KCNH5: variants seen among roughly 807,000 people sequenced by gnomAD.
KCNH5 encodes the protein voltage-gated delayed rectifier potassium channel KCNH5.
KCNH5 carries 46 observed loss-of-function variants against 96.1 expected under a neutral mutation model. The ratio of observed to expected loss-of-function variants is 0.48; its 90% confidence interval spans 0.38 to 0.61. KCNH5 has a LOEUF of 0.61. Ranked by LOEUF, KCNH5 falls within the 20% of genes least tolerant of loss-of-function variation. The pLI is 0.00. For missense variants in KCNH5, 907 were observed against 1,225.8 expected (o/e 0.74, Z 3.88); for synonymous variants, 439 against 449.8 (o/e 0.98, Z 0.30).
intron 7 of KCNH5, among the ~76,000 whole-genome samples, chr14:62,881,899 T>A (rs142856941): frequency 2.4e-4 from 37 of 152,212 alleles, no homozygotes; most frequent in African/African-American, 8.9e-4. Flanking sequence ...ATAACTTTGA[T>A]GGTCCACTAT....
intron 10 of KCNH5, among the ~76,000 whole-genome samples, chr14:62,761,995 A>T (rs574312455): frequency 1.1e-3 from 162 of 152,254 alleles, no homozygotes; most frequent in Middle Eastern, 6.8e-3. Context: ...GAGGTGAGTT[A>T]AACAGGTGTG....
At chr14:62,754,246 C>T (rs1242151584) in intron 10 of KCNH5, among the ~76,000 whole-genome samples, 8 of 151,832 alleles carry the variant, frequency 5.3e-5, no homozygotes, top group African/African-American at 1.9e-4. Flanking sequence ...TAAAAACATT[C>T]AGCAGATACA....
At chr14:62,744,835 T>C (rs1177774059) in intron 10 of KCNH5, among the ~76,000 whole-genome samples, 5 of 152,192 alleles carry the variant, frequency 3.3e-5, no homozygotes. Flanking sequence ...GGAATTTTTT[T>C]ACACACCACA....
At chr14:62,863,166 T>C (rs147262301) in intron 7 of KCNH5, among the ~76,000 whole-genome samples, 1 of 152,304 alleles carries the variant, frequency 6.6e-6, no homozygotes, top group East Asian at 1.9e-4. Flanking sequence ...CTTCTATAAA[T>C]CTAATGAGGT....
chr14:63,041,256 T>G (rs1391336443), intron 1 of KCNH5, among the ~76,000 whole-genome samples: 1 of 152,142 alleles, frequency 6.6e-6, no homozygotes, highest in African/African-American at 2.4e-5. Flanking sequence ...CTAAAAACAG[T>G]TACTTTCTTC....
chr14:62,948,784 A>G (rs1459379918), intron 7 of KCNH5, among the ~76,000 whole-genome samples: 65 of 148,016 alleles, frequency 4.4e-4, no homozygotes, highest in African/African-American at 1.4e-3. Context: ...AACCGAATCC[A>G]GCAGCACATC....
chr14:62,951,379 C>G (rs1287198540), intron 6 of KCNH5, among the ~76,000 whole-genome samples: 1 of 152,132 alleles, frequency 6.6e-6, no homozygotes, highest in African/African-American at 2.4e-5. Flanking sequence ...TGTAATAGAC[C>G]ACCTGCAGAG....
At chr14:62,772,117 A>C (rs1343231081) in intron 10 of KCNH5, among the ~76,000 whole-genome samples, 1 of 152,170 alleles carries the variant, frequency 6.6e-6, no homozygotes, top group Non-Finnish European at 1.5e-5. Context: ...CAACAAAAAA[A>C]ACACATTCTC....
chr14:62,793,662 T>G (rs985212389), intron 9 of KCNH5, among the ~76,000 whole-genome samples: 5 of 151,798 alleles, frequency 3.3e-5, no homozygotes, highest in Non-Finnish European at 7.4e-5. Flanking sequence ...TAAAATAAAA[T>G]GCTACCACTT....
At chr14:63,026,557 C>T (rs1398584058) in intron 1 of KCNH5, among the ~76,000 whole-genome samples, 1 of 151,986 alleles carries the variant, frequency 6.6e-6, no homozygotes, top group Admixed American at 6.6e-5. Context: ...TATGAATAGA[C>T]ATTCCTCAAA....
intron 10 of KCNH5, among the ~76,000 whole-genome samples, chr14:62,759,422 C>A (rs780355990): frequency 1.3e-5 from 2 of 152,038 alleles, no homozygotes; most frequent in African/African-American, 4.8e-5. Context: ...TGGGGCATGG[C>A]TATTTGATTA....
Position 62,708,060 on chromosome 14 carries a change from A to G in KCNH5, c.2415T>C (p.Asn805=), listed in dbSNP as rs773643858. 1.9e-6 allele frequency: 3 copies of G among 1,613,694 alleles called. No individual in the cohort carries two copies. The highest frequency in any genetic ancestry group is 2.2e-5 in the East Asian group (1 of 44,882). ...GTCGCAGCCACCCTTTTCCATTTCC[A>G]TTCTTCATTCTTATTGGGCTGTTGA... The part of the protein sequence containing the change: ...LKVNSPIRMK[N]GNGKGWLRLK... Residue 805 remains asparagine, a synonymous_variant, in exon 11 of 11, where the codon AAT becomes AAC. Transcript: ENST00000322893.
At chr14:62,755,174 TATG>T (rs1290806893) in intron 10 of KCNH5, among the ~76,000 whole-genome samples, 1 of 151,892 alleles carries the variant, frequency 6.6e-6, no homozygotes, top group African/African-American at 2.4e-5. Context: ...GTTGGCTATT[TATG>T]ATGATAAACA....
Position 62,708,054 on chromosome 14 carries a change from A to G in KCNH5, c.2421T>C (p.Asn807=), listed in dbSNP as rs746564507. ...VNSPIRMKNG[N]GKGWLRLKNN... ...TCTTGAGTCGCAGCCACCCTTTTCCATTTCCATTCTTCATTCTTATTGGGC... is the reference window on the plus strand; with the variant it reads ...TCTTGAGTCGCAGCCACCCTTTTCCGTTTCCATTCTTCATTCTTATTGGGC... The change falls in exon 11 of 11, where the codon AAT becomes AAC. Residue 807 remains asparagine, a synonymous_variant. Transcript: ENST00000322893. The G allele has an allele frequency of 4.3e-6, 7 of 1,613,538 alleles. No homozygotes were observed. The Admixed American group carries it at 1.0e-4, about 23-fold the overall frequency.
chr14:62,895,806 AT>A (rs1888799378), intron 7 of KCNH5, among the ~76,000 whole-genome samples: 1 of 152,132 alleles, frequency 6.6e-6, no homozygotes, highest in Non-Finnish European at 1.5e-5. Flanking sequence ...CCAAAGACAT[AT>A]TTTGTAAAGG....
chr14:62,741,972 T>G (rs1365914049), intron 10 of KCNH5, among the ~76,000 whole-genome samples: 2 of 152,180 alleles, frequency 1.3e-5, no homozygotes, highest in Non-Finnish European at 1.5e-5. Context: ...CTGTTTCTGC[T>G]GCTTATCAGG....
chr14:62,814,782 CAAAAA>C (rs71120235), intron 8 of KCNH5, among the ~76,000 whole-genome samples: 189 of 33,716 alleles, frequency 5.6e-3, no homozygotes, highest in Middle Eastern at 0.031. Context: ...GACTCCATCT[CAAAAA>C]AAAAAAAAAA....
In KCNH5 at chr14:62,881,482, G is replaced by A. The variant is rs118153939; in HGVS notation, c.1370-31630C>T. The stretch of plus-strand genomic sequence containing the variant: ...CACACACTGGGGCCTGCCAGAAGGC[G>A]GAGGGTGGGAGAAGGGAGAGGATCA... On this transcript the variant is annotated intron_variant, in intron 7 of 10. Transcript: ENST00000322893. 5.6e-4 allele frequency among the ~76,000 whole-genome samples: 86 copies of A among 152,262 alleles called. 2 individuals are homozygous for A. The East Asian group carries it at 0.012, about 22-fold the overall frequency.
At chr14:63,042,314 C>T (rs1410403442) in intron 1 of KCNH5, among the ~76,000 whole-genome samples, 1 of 151,998 alleles carries the variant, frequency 6.6e-6, no homozygotes, top group Non-Finnish European at 1.5e-5. Context: ...GGATATTCCT[C>T]TTTTCAGTTT....
Sources: gnomAD v4.1 joint callset for allele counts (sites outside exome capture counted in the v4.1 genomes callset) on GRCh38, gnomAD v4.1.1 for gene constraint, MANE v1.5 for transcripts, NCBI Gene and HGNC (gene_info 2026-07-23, HGNC 2026-07-21) for gene names.